GNAL: variants seen among roughly 807,000 people sequenced by gnomAD.
The protein encoded by GNAL is G protein subunit alpha L.
A neutral mutation model predicts 55.1 loss-of-function variants in GNAL; 18 were observed. The observed-to-expected ratio is 0.33, with a 90% CI of 0.23 to 0.48. The LOEUF is 0.48. Among genes scored for constraint, GNAL ranks in the 20% least tolerant of loss-of-function variants. The pLI, the probability that GNAL is intolerant of heterozygous loss-of-function variation, is 0.99. For synonymous variants in GNAL, 253 were observed against 237.0 expected, an observed-to-expected ratio of 1.07 and a Z score of -0.62; for missense variants, 412 against 614.1, an observed-to-expected ratio of 0.67 and a Z score of 3.48.
At chr18:11,824,093 A>C (rs992850784) in intron 4 of GNAL, among the ~76,000 whole-genome samples, 1 of 152,166 alleles carries the variant, frequency 6.6e-6, no homozygotes, top group Non-Finnish European at 1.5e-5. Flanking sequence ...TCATCCTCAA[A>C]GTGTAATTTT....
intron 1 of GNAL, among the ~76,000 whole-genome samples, chr18:11,741,174 T>A (rs2032567834): frequency 6.6e-6 from 1 of 152,206 alleles, no homozygotes; most frequent in South Asian, 2.1e-4. Flanking sequence ...TTTTTCCTTT[T>A]GGAATTAGTA....
rs560043267 is a variant in GNAL at position 11,747,307 on chromosome 18, C to A, written c.377-5546C>A. On this transcript the variant is annotated intron_variant, in intron 1 of 11. Transcript: ENST00000334049. ...GAGATTCTCTGGGGAACAAAAGAAG[C>A]CTTCAGGGATGGAATAAGAATGCCT... 188 of 202,930 alleles carry A rather than the reference C, an allele frequency of 9.3e-4. 1 individual carries two copies. Among genetic ancestry groups the A allele is most frequent in the Non-Finnish European group, 1.6e-3 (156 of 98,932 alleles). 12.6% of individuals were successfully genotyped at this position (202,930 alleles called of 1,614,324 possible). A position where few individuals can be genotyped will look rare whatever the true frequency, so the allele number is the denominator to read the frequency against.
chr18:11,805,593 G>T (rs1242021054), intron 4 of GNAL, among the ~76,000 whole-genome samples: 1 of 152,086 alleles, frequency 6.6e-6, no homozygotes. Flanking sequence ...CCACTTGTAA[G>T]TGAGAACATG....
rs376269714 is a variant in GNAL at position 11,728,139 on chromosome 18, A to G, written c.377-24714A>G. Among the ~76,000 whole-genome samples the G allele has an allele frequency of 2.6e-5, 4 of 152,140 alleles. No individual in the cohort carries two copies. The East Asian group carries it at 5.8e-4, about 22-fold the overall frequency. On this transcript the variant is annotated intron_variant, in intron 1 of 11. Transcript: ENST00000334049. ...CTACTCAGGAGGATCCCTTGAGCCCAGGAGATTGAGGCCACAGTGCGCTGT... is the reference window on the plus strand; with the variant it reads ...CTACTCAGGAGGATCCCTTGAGCCCGGGAGATTGAGGCCACAGTGCGCTGT...
At chr18:11,722,232 T>A (rs1025439062) in intron 1 of GNAL, among the ~76,000 whole-genome samples, 1 of 152,230 alleles carries the variant, frequency 6.6e-6, no homozygotes, top group Non-Finnish European at 1.5e-5. Flanking sequence ...TTAATTAACT[T>A]ACCACCAGCA....
Position 11,751,613 on chromosome 18 carries a change from C to A in GNAL, c.377-1240C>A. 1 of 985,414 alleles carries A rather than the reference C, an allele frequency of 1.0e-6. No homozygotes were observed. 61.0% of individuals were successfully genotyped at this position (985,414 alleles called of 1,614,324 possible). A position where few individuals can be genotyped will look rare whatever the true frequency, so the allele number is the denominator to read the frequency against. On this transcript the variant is annotated intron_variant, in intron 1 of 11. Transcript: ENST00000334049. This position sits in a 1 kb window ranked among gnomAD's most constrained non-coding sequence, Gnocchi z 4.5. Reference sequence around the variant, plus strand: ...CGTCCGAGCCAACACGGGGCGCGCGCCCAGACGCACTTTCCCGGCTCGGGG... The same window carrying A: ...CGTCCGAGCCAACACGGGGCGCGCGACCAGACGCACTTTCCCGGCTCGGGG...
At chr18:11,804,889 C>A (rs1227841280) in intron 4 of GNAL, among the ~76,000 whole-genome samples, 2 of 142,934 alleles carry the variant, frequency 1.4e-5, no homozygotes, top group Non-Finnish European at 3.0e-5. Context: ...CACGGAGATA[C>A]TGTGTAGTGG....
intron 1 of GNAL, among the ~76,000 whole-genome samples, chr18:11,718,002 A>G (rs1219604602): frequency 1.3e-5 from 2 of 152,232 alleles, no homozygotes; most frequent in Non-Finnish European, 2.9e-5. Context: ...AGAAATAGGC[A>G]TATGGATTGC....
intron 4 of GNAL, among the ~76,000 whole-genome samples, chr18:11,815,738 C>T (rs909601940): frequency 1.3e-5 from 2 of 151,936 alleles, no homozygotes; most frequent in Admixed American, 6.6e-5. Flanking sequence ...AAATAAAATG[C>T]GAATTTGGGA....
intron 1 of GNAL, among the ~76,000 whole-genome samples, chr18:11,715,817 A>G (rs2031949099): frequency 6.6e-6 from 1 of 152,048 alleles, no homozygotes; most frequent in East Asian, 1.9e-4. Context: ...GTAGTAATGG[A>G]CTGATGAGAA....
intron 5 of GNAL, chr18:11,857,760 A>G: frequency 2.0e-6 from 2 of 983,882 alleles, no homozygotes; most frequent in Non-Finnish European, 2.4e-6. Context: ...GCTGTGCATT[A>G]CAACTGCCTG....
chr18:11,822,182 T>C (rs1242889312), intron 4 of GNAL, among the ~76,000 whole-genome samples: 2 of 151,324 alleles, frequency 1.3e-5, no homozygotes, highest in African/African-American at 4.9e-5. Flanking sequence ...CAAGATGGGG[T>C]TTCTCGGGCG....
intron 6 of GNAL, 85 bp from the exon 7 acceptor site, chr18:11,864,448 A>C: frequency 1.3e-6 from 1 of 775,610 alleles, no homozygotes; most frequent in Admixed American, 1.8e-5. Context: ...TTTGAAAAAT[A>C]TTGATGAGGT....
chr18:11,774,416 A>T (rs2033721124), intron 4 of GNAL, among the ~76,000 whole-genome samples: 1 of 152,240 alleles, frequency 6.6e-6, no homozygotes, highest in Non-Finnish European at 1.5e-5. Flanking sequence ...TTGGGATTTT[A>T]AAATGCATGA....
chr18:11,731,600 G>A (rs947039558), intron 1 of GNAL, among the ~76,000 whole-genome samples: 3 of 152,176 alleles, frequency 2.0e-5, no homozygotes, highest in Non-Finnish European at 4.4e-5. Flanking sequence ...ATCCCACTGC[G>A]CAATTGAATT....
At chr18:11,719,002 G>T (rs2032034860) in intron 1 of GNAL, among the ~76,000 whole-genome samples, 2 of 152,046 alleles carry the variant, frequency 1.3e-5, no homozygotes, top group South Asian at 4.1e-4. Flanking sequence ...CTAACAAAAA[G>T]AAAATAAAAA....
chr18:11,817,993 T>G (rs1026075869), intron 4 of GNAL, among the ~76,000 whole-genome samples: 3 of 150,872 alleles, frequency 2.0e-5, no homozygotes, highest in African/African-American at 7.3e-5. Flanking sequence ...CCCAGCACTT[T>G]GGGAGGCTGA....
intron 4 of GNAL, among the ~76,000 whole-genome samples, chr18:11,795,390 C>T (rs1047212352): frequency 2.9e-5 from 2 of 68,258 alleles, no homozygotes; most frequent in Non-Finnish European, 6.5e-5. Flanking sequence ...GACCCTGTCT[C>T]AAAAAAAAAA....
chr18:11,871,529 G>A (rs901978744), intron 9 of GNAL, among the ~76,000 whole-genome samples: 3 of 152,132 alleles, frequency 2.0e-5, no homozygotes, highest in African/African-American at 7.2e-5. Context: ...GATTACAGGC[G>A]TGAGCCACCA....
Sources: gnomAD v4.1 joint callset for allele counts (sites outside exome capture counted in the v4.1 genomes callset) on GRCh38, gnomAD v4.1.1 for gene constraint, Gnocchi (gnomAD v3.1) non-coding constraint, MANE v1.5 for transcripts, NCBI Gene and HGNC (gene_info 2026-07-23, HGNC 2026-07-21) for gene names.